Variants in CEP295NL observed in about 807,000 individuals in gnomAD.
CEP295NL encodes protein DDC8 homolog.
Under a neutral mutation model 4.6 loss-of-function variants are expected in CEP295NL, and 3 were observed. That is an observed-to-expected ratio of 0.65 (90% CI 0.30 to 1.69). The LOEUF is 1.69. Among genes scored for constraint, CEP295NL ranks in the 40% most tolerant of loss-of-function variants. The pLI is 0.10. For synonymous variants in CEP295NL, 295 were observed against 312.2 expected (o/e 0.94, Z 0.58); for missense variants, 719 against 769.0 (o/e 0.93, Z 0.77).
At position 78,901,859 on chromosome 17, in the gene CEP295NL, G is replaced by T. The variant is rs781043670; in HGVS notation, c.-31C>A. Reference sequence around the variant, plus strand: ...GGAGGCAGAAGCTGACAGGAGGGCAGGAAGCACTGTCTCCAGGGCTGTCTT... The same window carrying T: ...GGAGGCAGAAGCTGACAGGAGGGCATGAAGCACTGTCTCCAGGGCTGTCTT... On this transcript the variant is annotated 5_prime_UTR_variant, in exon 2 of 3. The change creates a new upstream start codon in the 5' untranslated region. Transcript: ENST00000322630. 1 of 703,008 alleles carries T rather than the reference G, an allele frequency of 1.4e-6. No homozygotes were observed. Among genetic ancestry groups the T allele is most frequent in the Non-Finnish European group, 2.7e-6 (1 of 376,518 alleles). The allele number at this position is 703,008 out of a possible 1,614,324, so 43.5% of individuals were successfully genotyped here. A position where few individuals can be genotyped will look rare whatever the true frequency, so the allele number is the denominator to read the frequency against.
intron 2 of CEP295NL, among the ~76,000 whole-genome samples, chr17:78,894,323 C>T (rs943005937): frequency 6.6e-6 from 1 of 151,994 alleles, no homozygotes; most frequent in Non-Finnish European, 1.5e-5. Flanking sequence ...CTTTGACCAA[C>T]CTCAGGTGGT....
rs2069886672 is a variant in CEP295NL at position 78,891,199 on chromosome 17, A to G, written c.1305T>C (p.Tyr435=). ...TAAACGTGGGCTTGACCGTGCCCTGATATTTTTGGTTCTGGGCCTTGCCCA... is the reference window on the plus strand; with the variant it reads ...TAAACGTGGGCTTGACCGTGCCCTGGTATTTTTGGTTCTGGGCCTTGCCCA... ...TFMGKAQNQK[Y]QGTVKPTFRN... is the part of the protein sequence containing the mutation. The change falls in exon 3 of 3, where the codon TAT becomes TAC. Residue 435 remains tyrosine (Y), a synonymous_variant. Transcript: ENST00000322630. This position sits in a 1 kb window ranked among gnomAD's most constrained non-coding sequence, Gnocchi z 4.5. 2 of 1,550,396 alleles carry G rather than the reference A, an allele frequency of 1.3e-6. No homozygotes were observed. Among genetic ancestry groups the G allele is most frequent in the Non-Finnish European group, 1.7e-6 (2 of 1,147,000 alleles).
intron 2 of CEP295NL, among the ~76,000 whole-genome samples, chr17:78,894,201 C>CCT (rs199648461): frequency 1.7e-4 from 26 of 151,912 alleles, no homozygotes; most frequent in African/African-American, 5.1e-4. Context: ...CTACCCCCCC[C>CCT]GGTTCACAGA....
Position 78,891,531 on chromosome 17 carries a change from G to C in CEP295NL, c.973C>G (p.Pro325Ala), listed in dbSNP as rs746001919. Reference sequence around the variant, plus strand: ...TCCCGGAGCGTGCACTGAGATGCTGGGGACACGGCTTCCCTTCTGCAGCTG... The same window carrying C: ...TCCCGGAGCGTGCACTGAGATGCTGCGGACACGGCTTCCCTTCTGCAGCTG... ...DSSCRREAVS[P>A]ASQCTLREKN... Residue 325 changes from proline (P) to alanine (A), a missense_variant, in exon 3 of 3, where the codon CCA (proline) becomes GCA (alanine). Physicochemically the swap from Pro to Ala is conservative, Grantham distance 27. Coordinates refer to ENST00000322630, the MANE Select transcript of CEP295NL (RefSeq NM_001243540.2). This position sits in a 1 kb window ranked among gnomAD's most constrained non-coding sequence, Gnocchi z 4.5. The C allele has an allele frequency of 1.4e-5, 22 of 1,550,940 alleles. No individual in the cohort carries two copies. In the South Asian group the frequency reaches 2.6e-4, roughly 18 times the overall value.
At position 78,894,063 on chromosome 17, in the gene CEP295NL, T is replaced by G. The variant is rs374406664; in HGVS notation, c.45-1604A>C. On this transcript the variant is annotated intron_variant, in intron 2 of 2. Coordinates refer to ENST00000322630, the MANE Select transcript of CEP295NL (RefSeq NM_001243540.2). ...AAACGTAGTTGCAGCTGAAGTCACATGTAGTTGCAGGAGTCAGAAAATACT... is the reference window on the plus strand; with the variant it reads ...AAACGTAGTTGCAGCTGAAGTCACAGGTAGTTGCAGGAGTCAGAAAATACT... 9.2e-5 allele frequency among the ~76,000 whole-genome samples: 14 copies of G among 152,336 alleles called. 3 individuals carry two copies. The highest frequency in any genetic ancestry group is 3.9e-4 in the East Asian group (2 of 5,192).
intron 2 of CEP295NL, among the ~76,000 whole-genome samples, chr17:78,894,116 G>A (rs772718827): frequency 2.0e-5 from 3 of 152,122 alleles, no homozygotes; most frequent in Admixed American, 6.6e-5. Flanking sequence ...AACATTAACC[G>A]TGCAGGCTCC....
chr17:78,901,413 T>G (rs1036996321), intron 2 of CEP295NL, among the ~76,000 whole-genome samples: 17 of 151,376 alleles, frequency 1.1e-4, no homozygotes, highest in African/African-American at 4.1e-4. Context: ...GAGGGAGAGG[T>G]GTGTCTTCCT....
chr17:78,891,795 G>T lies in CEP295NL; in HGVS notation c.709C>A (p.Arg237Ser), dbSNP rs1164834483. The T allele has an allele frequency of 6.4e-7, 1 of 1,551,002 alleles. No individual in the cohort carries two copies. The highest frequency in any genetic ancestry group is 8.7e-7 in the Non-Finnish European group (1 of 1,147,094). ...PEPSTKSGGG[R>S]CAIHPRRSKG... Reference sequence around the variant, plus strand: ...CTCCTCCGAGGATGGATGGCACAGCGGCCACCCCCAGACTTGGTCGAAGGT... The same window carrying T: ...CTCCTCCGAGGATGGATGGCACAGCTGCCACCCCCAGACTTGGTCGAAGGT... The change falls in exon 3 of 3, where the codon CGC becomes AGC. Residue 237 changes from arginine (R) to serine (S), a missense_variant. Physicochemically the swap from Arg to Ser is moderately radical, Grantham distance 110 (BLOSUM62 -1). Coordinates refer to ENST00000322630, the MANE Select transcript of CEP295NL (RefSeq NM_001243540.2). This position sits in a 1 kb window ranked among gnomAD's most constrained non-coding sequence, Gnocchi z 4.5.
At chr17:78,893,248 AGTGTGTGTGCAGGGGTGTGTGTGTAGGG>A (rs2069936830) in intron 2 of CEP295NL, among the ~76,000 whole-genome samples, 2 of 63,288 alleles carry the variant, frequency 3.2e-5, no homozygotes, top group Non-Finnish European at 6.4e-5. Context: ...TGTGTGTAGG[AGTGTGTGTGCAGGGGTGTGTGTGTAGGG>A]GTGTGCGGGC....
chr17:78,902,663 C>A (rs894005945), intron 1 of CEP295NL: 1 of 152,312 alleles, frequency 6.6e-6, no homozygotes, highest in African/African-American at 2.4e-5. Context: ...CTGAGGCAGA[C>A]TGACCTCCAA....
At chr17:78,900,740 T>C (rs1489163845) in intron 2 of CEP295NL, among the ~76,000 whole-genome samples, 2 of 152,092 alleles carry the variant, frequency 1.3e-5, no homozygotes, top group Non-Finnish European at 2.9e-5. Context: ...TTTAACAGCT[T>C]GCACAACTGG....
intron 2 of CEP295NL, 112 bp downstream of exon 2, chr17:78,901,673 T>C (rs2070095522): frequency 7.0e-6 from 5 of 712,940 alleles, no homozygotes; most frequent in Non-Finnish European, 1.3e-5. Context: ...GGTGCCTCAG[T>C]TTGCTCTTTA....
chr17:78,901,230 T>C (rs1377567324), intron 2 of CEP295NL: 1 of 154,340 alleles, frequency 6.5e-6, no homozygotes, highest in Non-Finnish European at 1.4e-5. Context: ...AGCTAAATGA[T>C]GGTCAACAGC....
intron 2 of CEP295NL, among the ~76,000 whole-genome samples, chr17:78,900,569 T>G (rs971981869): frequency 6.6e-6 from 1 of 151,802 alleles, no homozygotes; most frequent in African/African-American, 2.4e-5. Flanking sequence ...ATGTGTTTTT[T>G]AATAAAGTAA....
Position 78,895,110 on chromosome 17 carries a change from G to A in CEP295NL, c.45-2651C>T, listed in dbSNP as rs1214411168. 3.3e-5 allele frequency among the ~76,000 whole-genome samples: 5 copies of A among 152,004 alleles called. 1 individual carries two copies. The highest frequency in any genetic ancestry group is 4.1e-4 in the South Asian group (2 of 4,820). ...AGCCTAACCAACATGGTGAAACCCCGTCTCTACTAAAAATACAAAAATTAG... is the reference window on the plus strand; with the variant it reads ...AGCCTAACCAACATGGTGAAACCCCATCTCTACTAAAAATACAAAAATTAG... On this transcript the variant is annotated intron_variant, in intron 2 of 2. Transcript: ENST00000322630.
intron 2 of CEP295NL, among the ~76,000 whole-genome samples, chr17:78,893,360 CA>C (rs2069942459): frequency 9.5e-6 from 1 of 105,180 alleles, no homozygotes; most frequent in Non-Finnish European, 1.9e-5. Flanking sequence ...GGTGTGTGTG[CA>C]GGGGTGTGTA....
At chr17:78,893,080 C>T (rs569834360) in intron 2 of CEP295NL, among the ~76,000 whole-genome samples, 15 of 150,714 alleles carry the variant, frequency 1.0e-4, no homozygotes, top group Non-Finnish European at 1.9e-4. Flanking sequence ...AGTGTGTGCA[C>T]GCGTGTGCAG....
In CEP295NL at chr17:78,896,917, AC is replaced by A; in HGVS notation, c.45-4459del. On this transcript the variant is annotated intron_variant, in intron 2 of 2. Coordinates refer to ENST00000322630, the MANE Select transcript of CEP295NL (RefSeq NM_001243540.2). The surrounding 1 kb of genome is among the most constrained non-coding windows in gnomAD (Gnocchi z 4.4). ...CCTGGGCCCAGGAATGTGCTTGGCCACCAGATTCCCAGCGATTCTCACCAAA... is the reference window on the plus strand; with the variant it reads ...CCTGGGCCCAGGAATGTGCTTGGCCACAGATTCCCAGCGATTCTCACCAAA... 1 of 985,272 alleles carries A rather than the reference AC, an allele frequency of 1.0e-6. No individual in the cohort carries two copies. The highest frequency in any genetic ancestry group is 1.2e-6 in the Non-Finnish European group (1 of 829,872). 61.0% of individuals were successfully genotyped at this position (985,272 alleles called of 1,614,324 possible).
At position 78,891,873 on chromosome 17, in the gene CEP295NL, C is replaced by T. The variant is rs941212699; in HGVS notation, c.631G>A (p.Gly211Ser). The T allele has an allele frequency of 6.4e-7, 1 of 1,550,542 alleles. No homozygotes were observed. ...PEKPQTTKAT[G>S]RMNSHLAPPE... is the part of the protein sequence containing the mutation. ...GGGGCCAGGTGAGAATTCATCCGAC[C>T]CGTGGCTTTTGTAGTCTGTGGTTTC... The change falls in exon 3 of 3, where the codon GGT becomes AGT. Residue 211 changes from glycine to serine, a missense_variant. Gly to Ser is a moderately conservative substitution (Grantham distance 56, BLOSUM62 0). Coordinates refer to ENST00000322630, the MANE Select transcript of CEP295NL (RefSeq NM_001243540.2). The surrounding 1 kb of genome is among the most constrained non-coding windows in gnomAD (Gnocchi z 4.5).
Sources: allele counts gnomAD v4.1 joint callset (sites outside exome capture counted in the v4.1 genomes callset), GRCh38; gene constraint gnomAD v4.1.1; non-coding constraint Gnocchi (gnomAD v3.1); transcripts MANE v1.5; gene names NCBI Gene and HGNC (gene_info 2026-07-23, HGNC 2026-07-21).